Variants in ARHGEF7 observed in about 807,000 individuals in gnomAD.
The protein encoded by ARHGEF7 is Rho guanine nucleotide exchange factor 7, also known as PAK-interacting exchange factor beta.
ARHGEF7 carries 33 observed loss-of-function variants against 109.8 expected under a neutral mutation model. That is an observed-to-expected ratio of 0.30 (90% confidence interval 0.23 to 0.40). The LOEUF (loss-of-function observed/expected upper bound fraction) is 0.40, where lower values mean the gene tolerates loss of function less well. Among genes scored for constraint, ARHGEF7 ranks in the 10% least tolerant of loss-of-function variants. The pLI, the probability that ARHGEF7 is intolerant of heterozygous loss-of-function variation, is 1.00. For missense variants in ARHGEF7, 938 were observed against 1,098.5 expected, an observed-to-expected ratio of 0.85 and a Z score of 2.07; for synonymous variants, 458 against 424.6, an observed-to-expected ratio of 1.08 and a Z score of -0.97.
At chr13:111,238,600 C>T (rs184073111) in intron 6 of ARHGEF7, among the ~76,000 whole-genome samples, 2 of 152,198 alleles carry the variant, frequency 1.3e-5, no homozygotes, top group South Asian at 2.1e-4. Flanking sequence ...CTGATGTGCC[C>T]GAGCTTGGTG....
intron 2 of ARHGEF7, among the ~76,000 whole-genome samples, chr13:111,162,342 T>C (rs1276729583): frequency 6.6e-6 from 1 of 152,236 alleles, no homozygotes; most frequent in African/African-American, 2.4e-5. Flanking sequence ...ATTGGACTTT[T>C]GAAAGAGGAT....
chr13:111,300,626 C>T (rs1186082746), intron 19 of ARHGEF7, 122 bp from the exon 20 acceptor site: 12 of 653,564 alleles, frequency 1.8e-5, no homozygotes, highest in African/African-American at 7.6e-5. Flanking sequence ...CCTGGATGAA[C>T]GTTTTTAAAT....
At chr13:111,261,413 T>C (rs755694532) in intron 8 of ARHGEF7, among the ~76,000 whole-genome samples, 6 of 152,140 alleles carry the variant, frequency 3.9e-5, no homozygotes, top group Non-Finnish European at 8.8e-5. Context: ...AGCAAGAGGA[T>C]ATAGCAGTTG....
intron 8 of ARHGEF7, among the ~76,000 whole-genome samples, chr13:111,248,335 T>C (rs2089238863): frequency 1.3e-5 from 2 of 152,208 alleles, no homozygotes; most frequent in African/African-American, 4.8e-5. Flanking sequence ...TTTTTGCCTT[T>C]ATTTTAGGTT....
chr13:111,133,812 T>TATATATATATATATATAA (rs1555341569), intron 1 of ARHGEF7, among the ~76,000 whole-genome samples: 2 of 62,568 alleles, frequency 3.2e-5, no homozygotes, highest in African/African-American at 8.1e-5. Context: ...TATATATATA[T>TATATATATATATATATAA]ATTTATTATA....
chr13:111,209,498 T>C (rs1488655797), intron 3 of ARHGEF7, among the ~76,000 whole-genome samples: 1 of 152,188 alleles, frequency 6.6e-6, no homozygotes, highest in Non-Finnish European at 1.5e-5. Context: ...AGTGGGCATG[T>C]GGTGGTGATG....
chr13:111,230,458 G>A (rs2085882426), intron 5 of ARHGEF7, among the ~76,000 whole-genome samples: 1 of 152,130 alleles, frequency 6.6e-6, no homozygotes, highest in African/African-American at 2.4e-5. Context: ...TAGGCTGCCC[G>A]GGAGTTACCT....
chr13:111,299,928 C>G (rs1321617351), intron 19 of ARHGEF7, among the ~76,000 whole-genome samples: 3 of 152,196 alleles, frequency 2.0e-5, no homozygotes. Context: ...TGATTTGCAT[C>G]TGGCATAATT....
chr13:111,123,864 C>CCA (rs1555339509), intron 1 of ARHGEF7, among the ~76,000 whole-genome samples: 3 of 32,776 alleles, frequency 9.2e-5, no homozygotes, highest in East Asian at 5.0e-4. Flanking sequence ...TGGGCTGCGC[C>CCA]CCCCCCCCCC....
chr13:111,255,145 G>C lies in ARHGEF7; in HGVS notation c.950+10851G>C, dbSNP rs1449525344. On this transcript the variant is annotated intron_variant, in intron 8 of 21. Coordinates refer to ENST00000646102, the MANE Select transcript of ARHGEF7 (RefSeq NM_001354046.2). This position sits in a 1 kb window ranked among gnomAD's most constrained non-coding sequence, Gnocchi z 4.1. ...GCTGAGTCGCTAACGTGAAGGCCGG[G>C]CCCAGAAGAGGATTCGGGCTAAGGC... Among the ~76,000 whole-genome samples the C allele has an allele frequency of 1.8e-5, 2 of 112,908 alleles. No individual in the cohort carries two copies. Among genetic ancestry groups the C allele is most frequent in the South Asian group, 3.4e-4 (1 of 2,970 alleles). The allele number at this position is 112,908 out of a possible 152,430, so 74.1% of individuals were successfully genotyped here.
intron 5 of ARHGEF7, among the ~76,000 whole-genome samples, chr13:111,222,650 A>G (rs1594897612): frequency 6.6e-6 from 1 of 152,148 alleles, no homozygotes; most frequent in African/African-American, 2.4e-5. Context: ...GCTGGTCTTG[A>G]ACTTCTGACC....
In ARHGEF7 at chr13:111,286,196, A is replaced by G; in HGVS notation, c.2000A>G (p.Lys667Arg). Residue 667 changes from lysine to arginine, a missense_variant, in exon 17 of 22, where the codon AAA (lysine) becomes AGA (arginine). Physicochemically the swap from Lys to Arg is conservative, Grantham distance 26 (BLOSUM62 2). Transcript: ENST00000646102. The stretch of plus-strand genomic sequence containing the variant: ...ATGAAAAAGCTGCTGCCCAAGCGCA[A>G]ACCTGAACGGAAGCCTTCAGATGAG... ...KTMKKLLPKRKPERKPSDEEF... is the reference protein window; with the variant it reads ...KTMKKLLPKRRPERKPSDEEF... 5.0e-6 allele frequency: 8 copies of G among 1,614,006 alleles called. No homozygotes were observed. Among genetic ancestry groups the G allele is most frequent in the Non-Finnish European group, 6.8e-6 (8 of 1,179,988 alleles).
chr13:111,290,796 A>G (rs996813993), intron 18 of ARHGEF7, among the ~76,000 whole-genome samples: 1 of 152,224 alleles, frequency 6.6e-6, no homozygotes, highest in African/African-American at 2.4e-5. Context: ...GCTTGCAGTC[A>G]TATATGCCCT....
At chr13:111,257,914 G>C (rs1177087556) in intron 8 of ARHGEF7, among the ~76,000 whole-genome samples, 1 of 152,214 alleles carries the variant, frequency 6.6e-6, no homozygotes, top group Non-Finnish European at 1.5e-5. Flanking sequence ...CCAGCAGTTG[G>C]AACCTGAGTT....
At chr13:111,231,555 C>A (rs1214745274) in intron 5 of ARHGEF7, among the ~76,000 whole-genome samples, 2 of 152,292 alleles carry the variant, frequency 1.3e-5, no homozygotes, top group East Asian at 1.9e-4. Context: ...AGTTAAGGAG[C>A]ATGAGGTTGG....
At chr13:111,155,562 C>A (rs1406641946) in intron 2 of ARHGEF7, among the ~76,000 whole-genome samples, 1 of 152,158 alleles carries the variant, frequency 6.6e-6, no homozygotes, top group Non-Finnish European at 1.5e-5. Context: ...TACCCTTTGT[C>A]GTATCAGCTT....
intron 3 of ARHGEF7, among the ~76,000 whole-genome samples, chr13:111,208,794 T>A (rs1043920459): frequency 6.6e-6 from 1 of 152,052 alleles, no homozygotes; most frequent in Non-Finnish European, 1.5e-5. Context: ...GAATTTAAGA[T>A]CGTTGGAGTA....
chr13:111,231,374 TTCCA>T (rs2153523406), intron 5 of ARHGEF7, among the ~76,000 whole-genome samples: 1 of 152,344 alleles, frequency 6.6e-6, no homozygotes, highest in African/African-American at 2.4e-5. Context: ...GAGTTTTGTT[TTCCA>T]TCCTGTGGGC....
chr13:111,124,531 C>T (rs1205206140), intron 1 of ARHGEF7, among the ~76,000 whole-genome samples: 1 of 152,222 alleles, frequency 6.6e-6, no homozygotes, highest in Non-Finnish European at 1.5e-5. Context: ...AGAGAATAAG[C>T]CTCGGACCCC....
Sources: gnomAD v4.1 joint callset for allele counts (sites outside exome capture counted in the v4.1 genomes callset) on GRCh38, gnomAD v4.1.1 for gene constraint, Gnocchi (gnomAD v3.1) non-coding constraint, MANE v1.5 for transcripts, NCBI Gene and HGNC (gene_info 2026-07-23, HGNC 2026-07-21) for gene names.